The following ZFHX3 variants were observed in gnomAD, a reference collection of about 807,000 sequenced individuals.
ZFHX3 encodes the protein zinc finger homeobox 3.
In ZFHX3, 42 loss-of-function variants were observed where a neutral mutation model predicts 279.1. That is an observed-to-expected ratio of 0.15 (90% CI 0.12 to 0.19). The LOEUF (loss-of-function observed/expected upper bound fraction) is 0.19, where lower values mean the gene tolerates loss of function less well. Among genes scored for constraint, ZFHX3 ranks in the 10% least tolerant of loss-of-function variants. The probability of loss-of-function intolerance (pLI) is 1.00; values close to 1 mark genes in which losing one functional copy is unlikely to be tolerated. For missense variants in ZFHX3, 4,981 were observed against 4,754.0 expected, an observed-to-expected ratio of 1.05 and a Z score of -1.40; for synonymous variants, 2,293 against 1,957.8, an observed-to-expected ratio of 1.17 and a Z score of -4.52.
chr16:73,262,996 C>A (rs941973500), intron 4 of ZFHX3, among the ~76,000 whole-genome samples: 1 of 152,112 alleles, frequency 6.6e-6, no homozygotes, highest in Non-Finnish European at 1.5e-5. Flanking sequence ...AGAAACCCAC[C>A]GAGTTGGTTC....
chr16:73,349,888 T>G (rs1210491126), intron 3 of ZFHX3, among the ~76,000 whole-genome samples: 2 of 145,470 alleles, frequency 1.4e-5, no homozygotes, highest in African/African-American at 5.1e-5. Flanking sequence ...TCTTCTTTAC[T>G]CCCCTTCTTC....
intron 7 of ZFHX3, among the ~76,000 whole-genome samples, chr16:72,804,010 G>A (rs2143522883): frequency 6.6e-6 from 1 of 152,296 alleles, no homozygotes; most frequent in African/African-American, 2.4e-5. Flanking sequence ...TCAGCTGACT[G>A]GGGTGCAGAA....
chr16:73,402,462 G>C (rs1252255487), intron 3 of ZFHX3: 1 of 152,226 alleles, frequency 6.6e-6, no homozygotes, highest in African/African-American at 2.4e-5. Flanking sequence ...AATGTCGCTT[G>C]AATGTTGCAG....
At chr16:73,023,137 G>A (rs1024314587) in intron 1 of ZFHX3, among the ~76,000 whole-genome samples, 1 of 152,224 alleles carries the variant, frequency 6.6e-6, no homozygotes, top group Non-Finnish European at 1.5e-5. Flanking sequence ...TCAGGCAGGA[G>A]AATCGCTTGA....
At chr16:73,269,992 C>G (rs1159749474) in intron 4 of ZFHX3, among the ~76,000 whole-genome samples, 2 of 152,148 alleles carry the variant, frequency 1.3e-5, no homozygotes, top group Non-Finnish European at 2.9e-5. Flanking sequence ...AGGTGATCCA[C>G]TCACCTCGGG....
chr16:73,096,205 GCTCCTATAA>G (rs914592082), intron 7 of ZFHX3, among the ~76,000 whole-genome samples: 1 of 151,924 alleles, frequency 6.6e-6, no homozygotes, highest in Non-Finnish European at 1.5e-5. Flanking sequence ...CCCGAATTGG[GCTCCTATAA>G]CTGTTCCAGA....
intron 4 of ZFHX3, among the ~76,000 whole-genome samples, chr16:72,861,969 C>A (rs2037901720): frequency 6.6e-6 from 1 of 152,198 alleles, no homozygotes; most frequent in African/African-American, 2.4e-5. Flanking sequence ...GAGTCAAGAT[C>A]ATGCCACTGC....
chr16:73,538,949 C>T (rs1310674595), intron 2 of ZFHX3, among the ~76,000 whole-genome samples: 1 of 152,086 alleles, frequency 6.6e-6, no homozygotes, highest in East Asian at 1.9e-4. Flanking sequence ...TCTGAGATAC[C>T]TTATTGGCAG....
In ZFHX3 at chr16:73,889,239, T is replaced by C. The variant is rs371742698; in HGVS notation, c.-1608+2412A>G. Among the ~76,000 whole-genome samples, 796 of 152,294 alleles carry C rather than the reference T, an allele frequency of 5.2e-3. 8 individuals are homozygous for C. The highest frequency in any genetic ancestry group is 0.018 in the African/African-American group (740 of 41,558). On this transcript the variant is annotated intron_variant, in intron 1 of 17. Transcript: ENST00000641206. ...GGGAATAAGGACACAGGTGCGGCTG[T>C]GCAGGAAGGAAGCTGCGCCAGACCC...
At chr16:73,695,870 G>T (rs922432737) in intron 1 of ZFHX3, among the ~76,000 whole-genome samples, 1 of 152,042 alleles carries the variant, frequency 6.6e-6, no homozygotes, top group Non-Finnish European at 1.5e-5. Context: ...CCCAGGCTCG[G>T]CAAGAAGGAC....
chr16:73,118,492 G>A (rs896758752), intron 7 of ZFHX3, among the ~76,000 whole-genome samples: 1 of 139,936 alleles, frequency 7.1e-6, no homozygotes, highest in Admixed American at 8.0e-5. Context: ...ACAGGTGTGA[G>A]CCACCATGCC....
chr16:73,650,535 T>A (rs1403321795), intron 2 of ZFHX3, among the ~76,000 whole-genome samples: 3 of 152,164 alleles, frequency 2.0e-5, no homozygotes, highest in Non-Finnish European at 4.4e-5. Flanking sequence ...TCACTTAGAT[T>A]TGCAGAATAA....
intron 5 of ZFHX3, among the ~76,000 whole-genome samples, chr16:72,815,195 C>G (rs938279370): frequency 1.3e-5 from 2 of 152,030 alleles, no homozygotes; most frequent in Admixed American, 1.3e-4. Context: ...ATCGCTTGAG[C>G]CCAGGAGTTC....
In ZFHX3 at chr16:72,952,424, A is replaced by C. The variant is rs866737064; in HGVS notation, c.2720-1459T>G. Among the ~76,000 whole-genome samples the C allele has an allele frequency of 2.6e-5, 4 of 151,810 alleles. No individual in the cohort carries two copies. In the South Asian group the frequency reaches 8.3e-4, roughly 32 times the overall value. On this transcript the variant is annotated intron_variant, in intron 2 of 9. Transcript: ENST00000268489. ...ATGTGGGGCTACCCTAGGACCAATC[A>C]CCTTCCCTTTATCACTCAGTCACCT...
chr16:73,163,243 C>T (rs141883357), intron 5 of ZFHX3, among the ~76,000 whole-genome samples: 13 of 152,278 alleles, frequency 8.5e-5, no homozygotes, highest in East Asian at 1.9e-4. Flanking sequence ...TGCAGGGATT[C>T]GGAGACCTGG....
chr16:73,522,152 T>A (rs886719482), intron 2 of ZFHX3, among the ~76,000 whole-genome samples: 2 of 152,196 alleles, frequency 1.3e-5, no homozygotes, highest in African/African-American at 2.4e-5. Flanking sequence ...ATTTTGAGCA[T>A]AACAAATACC....
rs117600720 is a variant in ZFHX3 at position 73,710,262 on chromosome 16, T to C, written c.-1607-30022A>G. On this transcript the variant is annotated intron_variant, in intron 1 of 17. Transcript: ENST00000641206. ...TAAGCATTTAAATCAGAGCCTCCCATTTAGCTGTTATACTTATTAAAGATC... is the reference window on the plus strand; with the variant it reads ...TAAGCATTTAAATCAGAGCCTCCCACTTAGCTGTTATACTTATTAAAGATC... 5.4e-3 allele frequency among the ~76,000 whole-genome samples: 815 copies of C among 152,314 alleles called. 21 individuals are homozygous for C. Among genetic ancestry groups the C allele is most frequent in the East Asian group, 0.049 (253 of 5,182 alleles).
chr16:73,668,210 T>C (rs981004608), intron 2 of ZFHX3, among the ~76,000 whole-genome samples: 2 of 152,116 alleles, frequency 1.3e-5, no homozygotes, highest in Non-Finnish European at 2.9e-5. Context: ...CCATTGTAAG[T>C]ATCCAGGAAG....
intron 1 of ZFHX3, among the ~76,000 whole-genome samples, chr16:73,037,343 A>G (rs1964946328): frequency 6.6e-6 from 1 of 152,150 alleles, no homozygotes; most frequent in African/African-American, 2.4e-5. Context: ...TTAGGGAATG[A>G]CTCAGAGGAG....
Sources: allele counts gnomAD v4.1 joint callset (sites outside exome capture counted in the v4.1 genomes callset), GRCh38; gene constraint gnomAD v4.1.1; transcripts MANE v1.5; gene names NCBI Gene and HGNC (gene_info 2026-07-23, HGNC 2026-07-21).